Variants in PRR14L observed in about 807,000 individuals in gnomAD.
The protein encoded by PRR14L is proline rich 14 like.
In PRR14L, 80 loss-of-function variants were observed where a neutral mutation model predicts 155.0. That is an observed-to-expected ratio of 0.52 (90% CI 0.43 to 0.62). The LOEUF (loss-of-function observed/expected upper bound fraction) is 0.62. Ranked by LOEUF, PRR14L falls within the 20% of genes least tolerant of loss-of-function variation. The probability of loss-of-function intolerance (pLI) is 0.00; values close to 1 mark genes in which losing one functional copy is unlikely to be tolerated. For synonymous variants in PRR14L, 883 were observed against 916.0 expected (o/e 0.96, Z 0.65); for missense variants, 2,469 against 2,548.0 (o/e 0.97, Z 0.67).
intron 1 of PRR14L, among the ~76,000 whole-genome samples, chr22:31,743,309 A>C (rs1601519903): frequency 6.6e-6 from 1 of 152,030 alleles, no homozygotes; most frequent in East Asian, 1.9e-4. Context: ...TCCAAAAAAA[A>C]GGCTGGGATT....
chr22:31,707,452 C>T (rs1248433521), intron 4 of PRR14L, among the ~76,000 whole-genome samples: 1 of 152,154 alleles, frequency 6.6e-6, no homozygotes, highest in Non-Finnish European at 1.5e-5. Flanking sequence ...GTGATCTCGG[C>T]TCACTGCAAC....
intron 7 of PRR14L, among the ~76,000 whole-genome samples, chr22:31,691,155 CAGGGTT>C (rs1304864706): frequency 6.6e-6 from 1 of 151,100 alleles, no homozygotes; most frequent in Admixed American, 6.6e-5. Context: ...TTAGTAGAGA[CAGGGTT>C]TCACCATGTT....
chr22:31,721,405 A>G (rs963551478), intron 3 of PRR14L, among the ~76,000 whole-genome samples: 11 of 152,282 alleles, frequency 7.2e-5, no homozygotes, highest in African/African-American at 2.6e-4. Context: ...TGTCTCAACT[A>G]AAAATACAAA....
chr22:31,743,506 T>TA (rs1021995984), intron 1 of PRR14L, among the ~76,000 whole-genome samples: 3 of 152,008 alleles, frequency 2.0e-5, no homozygotes, highest in Middle Eastern at 3.2e-3. Context: ...TGATTTCTTT[T>TA]AAAAAAGAAC....
intron 1 of PRR14L, among the ~76,000 whole-genome samples, chr22:31,742,910 G>A (rs937166083): frequency 6.6e-6 from 1 of 152,136 alleles, no homozygotes; most frequent in African/African-American, 2.4e-5. Flanking sequence ...GAAATAACAC[G>A]TTACAACATG....
At position 31,730,163 on chromosome 22, in the gene PRR14L, G is replaced by A. The variant is rs1223437988; in HGVS notation, c.475-4553C>T. 6.0e-5 allele frequency among the ~76,000 whole-genome samples: 9 copies of A among 150,382 alleles called. No individual in the cohort carries two copies. The South Asian group carries it at 1.5e-3, about 25-fold the overall frequency. On this transcript the variant is annotated intron_variant, in intron 2 of 8. Transcript: ENST00000327423. Reference sequence around the variant, plus strand: ...TAAAAAAAAAAAAAAAAAATCGCCGGGCGCTGTGGCTCATGCCTGTAATCC... The same window carrying A: ...TAAAAAAAAAAAAAAAAAATCGCCGAGCGCTGTGGCTCATGCCTGTAATCC...
chr22:31,728,880 G>T (rs1170570677), intron 2 of PRR14L, among the ~76,000 whole-genome samples: 1 of 152,076 alleles, frequency 6.6e-6, no homozygotes, highest in Non-Finnish European at 1.5e-5. Context: ...TAGCTTATAT[G>T]TAAGCACCAA....
At chr22:31,700,294 A>G (rs2074556359) in intron 7 of PRR14L, among the ~76,000 whole-genome samples, 1 of 152,254 alleles carries the variant, frequency 6.6e-6, no homozygotes, top group African/African-American at 2.4e-5. Context: ...GCAAGAGAGA[A>G]TAGAACTGAT....
chr22:31,734,636 TG>T (rs1248659498), intron 2 of PRR14L, among the ~76,000 whole-genome samples: 1 of 152,172 alleles, frequency 6.6e-6, no homozygotes, highest in African/African-American at 2.4e-5. Context: ...TTCTGCTGAA[TG>T]ACCTCTAAAT....
In PRR14L at chr22:31,684,857, CACA is replaced by C. The variant is rs1207809263; in HGVS notation, c.*667_*669del. On this transcript the variant is annotated 3_prime_UTR_variant, in exon 9 of 9. Transcript: ENST00000327423. Reference sequence around the variant, plus strand: ...TAAAACAAATGAAAATAATCCACACCACAACATTAAAAAGTGCAACTTACTTCG... The same window carrying C: ...TAAAACAAATGAAAATAATCCACACCACATTAAAAAGTGCAACTTACTTCG... The C allele has an allele frequency of 6.6e-6, 1 of 151,982 alleles. No homozygotes were observed. Among genetic ancestry groups the C allele is most frequent in the Non-Finnish European group, 1.5e-5 (1 of 67,984 alleles). 9.4% of individuals were successfully genotyped at this position (151,982 alleles called of 1,614,324 possible).
At chr22:31,736,415 G>T (rs2074782023) in intron 2 of PRR14L, among the ~76,000 whole-genome samples, 1 of 149,630 alleles carries the variant, frequency 6.7e-6, no homozygotes, top group South Asian at 2.1e-4. Context: ...GCATCACAGT[G>T]TAAACTCAAA....
At chr22:31,688,301 T>TCTAACA in intron 7 of PRR14L, 74 bp from the exon 8 acceptor site, 1 of 1,441,294 alleles carries the variant, frequency 6.9e-7, no homozygotes, top group South Asian at 1.3e-5. Flanking sequence ...CTTGCTCTGT[T>TCTAACA]GCCCAGGCTG....
intron 4 of PRR14L, among the ~76,000 whole-genome samples, chr22:31,708,651 A>G (rs759806731): frequency 1.4e-5 from 2 of 143,594 alleles, no homozygotes; most frequent in Admixed American, 6.9e-5. Flanking sequence ...TGCTGTTGAA[A>G]TTTTCTTGAG....
chr22:31,685,540 G>C lies in PRR14L; in HGVS notation c.6443C>G (p.Ser2148Ter). Residue 2148 changes from serine to a stop codon, truncating the protein, a stop_gained, in exon 9 of 9, where the codon TCA (serine) becomes TGA (stop). Coordinates refer to ENST00000327423, the MANE Select transcript of PRR14L (RefSeq NM_173566.3). LOFTEE classifies it high-confidence loss of function. ...FFAKEEEQEQSSGC is the reference protein window; with the variant it reads ...FFAKEEEQEQ Reference sequence around the variant, plus strand: ...CTGAATCGCTTCTCAACAGCCTGATGATTGTTCCTGCTCCTCTTCCTTGGC... The same window carrying C: ...CTGAATCGCTTCTCAACAGCCTGATCATTGTTCCTGCTCCTCTTCCTTGGC... The C allele has an allele frequency of 1.3e-6, 2 of 1,549,830 alleles. No individual in the cohort carries two copies. Among genetic ancestry groups the C allele is most frequent in the Non-Finnish European group, 1.7e-6 (2 of 1,145,540 alleles).
At chr22:31,699,582 C>T (rs5998096) in intron 7 of PRR14L, among the ~76,000 whole-genome samples, 4,085 of 152,088 alleles carry the variant, frequency 0.027, 180 homozygotes, top group African/African-American at 0.09. Flanking sequence ...ATTTTTGGTC[C>T]CAAGAATTTG....
rs561318979 is a variant in PRR14L at position 31,724,339 on chromosome 22, A to G, written c.547+1199T>C. The stretch of plus-strand genomic sequence containing the variant: ...CAGATCTGTGGAAAAACTGTCTTGC[A>G]CGAAACAGGTTCCTGACTCCAAAAA... On this transcript the variant is annotated intron_variant, in intron 3 of 8. Coordinates refer to ENST00000327423, the MANE Select transcript of PRR14L (RefSeq NM_173566.3). 2.6e-5 allele frequency among the ~76,000 whole-genome samples: 4 copies of G among 152,248 alleles called. No individual in the cohort carries two copies. The South Asian group carries it at 8.3e-4, about 31-fold the overall frequency.
At chr22:31,745,013 T>C (rs1008112379) in intron 1 of PRR14L, among the ~76,000 whole-genome samples, 2 of 152,176 alleles carry the variant, frequency 1.3e-5, no homozygotes, top group Non-Finnish European at 2.9e-5. Flanking sequence ...CTGAACAGAA[T>C]TGCAGATACG....
At position 31,713,601 on chromosome 22, in the gene PRR14L, G is replaced by A. The variant is rs769926993; in HGVS notation, c.4238C>T (p.Thr1413Met). Residue 1413 changes from threonine to methionine, a missense_variant, in exon 4 of 9, where the codon ACG becomes ATG. By Grantham distance (81) the Thr-to-Met change is moderately conservative (BLOSUM62 -1). Coordinates refer to ENST00000327423, the MANE Select transcript of PRR14L (RefSeq NM_173566.3). The stretch of plus-strand genomic sequence containing the variant: ...AGATGATATGCACTGTTGCGATATC[G>A]TATGTGCTTTTTGTTGACGTATATA... ...EKYIRQQKAH[T>M]ISQQCISSSL... 3.0e-5 allele frequency: 47 copies of A among 1,551,830 alleles called. No homozygotes were observed. Among genetic ancestry groups the A allele is most frequent in the African/African-American group, 9.6e-5 (7 of 73,000 alleles).
rs1203287373 is a variant in PRR14L at position 31,685,385 on chromosome 22, T to C, written c.*142A>G. 1.3e-5 allele frequency: 9 copies of C among 673,516 alleles called. No homozygotes were observed. The highest frequency in any genetic ancestry group is 2.7e-5 in the East Asian group (1 of 36,684). 41.7% of individuals were successfully genotyped at this position (673,516 alleles called of 1,614,324 possible). A position where few individuals can be genotyped will look rare whatever the true frequency, so the allele number is the denominator to read the frequency against. ...GCACCTTGAAATAGGTAAAAATTCA[T>C]GGACTGTGCATTTTTGAGTGGTTTG... On this transcript the variant is annotated 3_prime_UTR_variant, in exon 9 of 9. Transcript: ENST00000327423.
Sources: allele counts gnomAD v4.1 joint callset (sites outside exome capture counted in the v4.1 genomes callset), GRCh38; gene constraint gnomAD v4.1.1; transcripts MANE v1.5; gene names NCBI Gene and HGNC (gene_info 2026-07-23, HGNC 2026-07-21).